STRADA: variants seen among roughly 807,000 people sequenced by gnomAD.
STRADA encodes STE20-related kinase adapter protein alpha.
STRADA carries 26 observed loss-of-function variants against 55.0 expected under a neutral mutation model. That is an observed-to-expected ratio of 0.47 (90% CI 0.35 to 0.66). The LOEUF (loss-of-function observed/expected upper bound fraction) is 0.66, where lower values mean the gene tolerates loss of function less well. STRADA is among the 30% of genes least tolerant of loss of function. STRADA has a pLI of 0.01. For missense variants in STRADA, 443 were observed against 549.7 expected (o/e 0.81, Z 1.94); for synonymous variants, 197 against 210.9 (o/e 0.93, Z 0.57).
Position 63,723,865 on chromosome 17 carries a change from AGGCATTTT to A in STRADA, c.95-547_95-540del. On this transcript the variant is annotated intron_variant, in intron 3 of 12. Transcript: ENST00000336174. ...TTGATTCTAAATGTAAATAAAGCAA[AGGCATTTT>A]GGCGCTCTGCTTGTCCTAGTGAAAA... 3.9e-5 allele frequency: 6 copies of A among 152,502 alleles called. 1 individual carries two copies. The highest frequency in any genetic ancestry group is 3.9e-4 in the Admixed American group (6 of 15,312). 9.4% of individuals were successfully genotyped at this position (152,502 alleles called of 1,614,324 possible). A position where few individuals can be genotyped will look rare whatever the true frequency, so the allele number is the denominator to read the frequency against.
rs531246808 is a variant in STRADA, at chr17:63,703,387, G to A, written c.*212C>T. ...CGGCTTTGGACCCTCCTGATCCCTG[G>A]TTGTTGAGATTCCCTTGTGTCTCAA... On this transcript the variant is annotated 3_prime_UTR_variant, in exon 13 of 13. Coordinates refer to ENST00000336174, the MANE Select transcript of STRADA (RefSeq NM_001003787.4). 28 of 548,344 alleles carry A rather than the reference G, an allele frequency of 5.1e-5. 1 individual carries two copies. The highest frequency in any genetic ancestry group is 4.9e-4 in the African/African-American group (26 of 52,810). The allele number at this position is 548,344 out of a possible 1,614,324, so 34.0% of individuals were successfully genotyped here. A position where few individuals can be genotyped will look rare whatever the true frequency, so the allele number is the denominator to read the frequency against.
intron 1 of STRADA, among the ~76,000 whole-genome samples, chr17:63,740,228 T>C (rs1568234751): frequency 6.7e-6 from 1 of 148,892 alleles, no homozygotes; most frequent in Non-Finnish European, 1.5e-5. Flanking sequence ...ATAGCTTTAT[T>C]GGCCGGGCGC....
At chr17:63,735,477 C>A (rs2038355622) in intron 1 of STRADA, among the ~76,000 whole-genome samples, 1 of 152,136 alleles carries the variant, frequency 6.6e-6, no homozygotes, top group South Asian at 2.1e-4. Flanking sequence ...GATAGTGATG[C>A]TTATAATAAT....
chr17:63,716,838 T>C (rs34111070), intron 4 of STRADA, among the ~76,000 whole-genome samples: 3,009 of 152,350 alleles, frequency 0.02, 41 homozygotes, highest in Non-Finnish European at 0.033. Flanking sequence ...TGTTAAATTT[T>C]GGGAAAGATA....
At chr17:63,719,007 T>C (rs1231370338) in intron 4 of STRADA, 1 of 152,262 alleles carries the variant, frequency 6.6e-6, no homozygotes, top group Non-Finnish European at 1.5e-5. Flanking sequence ...TTCACTGATG[T>C]ATTCCCCCAG....
Position 63,726,780 on chromosome 17 carries a change from T to C in STRADA, c.37-85A>G. On this transcript the variant is annotated intron_variant, in intron 2 of 12. Coordinates refer to ENST00000336174, the MANE Select transcript of STRADA (RefSeq NM_001003787.4). ...TCAGCCTTTAGACAGACAAACAAAA[T>C]CCCAACTATGAAAACAGAATCATGC... 2.9e-6 allele frequency: 4 copies of C among 1,361,304 alleles called. 1 individual carries two copies. In the South Asian group the frequency reaches 4.7e-5, roughly 16 times the overall value. 84.3% of individuals were successfully genotyped at this position (1,361,304 alleles called of 1,614,324 possible).
At chr17:63,731,005 G>A (rs552549998) in intron 1 of STRADA, among the ~76,000 whole-genome samples, 1 of 151,980 alleles carries the variant, frequency 6.6e-6, no homozygotes, top group East Asian at 1.9e-4. Flanking sequence ...GAGTGCAGCG[G>A]TGATCTTGGC....
intron 10 of STRADA, 42 bp from the exon 11 acceptor site, chr17:63,704,624 G>GC (rs1285983975): frequency 8.8e-7 from 1 of 1,140,034 alleles, no homozygotes. Flanking sequence ...AGCGGGTGGG[G>GC]GGGGGGGGTG....
rs183147391 is a variant in STRADA, at chr17:63,732,976, C to T, written c.-44-4563G>A. Among the ~76,000 whole-genome samples, 1,037 of 152,110 alleles carry T rather than the reference C, an allele frequency of 6.8e-3. 13 individuals carry two copies. The highest frequency in any genetic ancestry group is 0.031 in the Middle Eastern group (9 of 294). ...GGTCTCGGCTCACTGCAACCTCCACCTCCCAGGTTCATGCGATTCTCCTGC... is the reference window on the plus strand; with the variant it reads ...GGTCTCGGCTCACTGCAACCTCCACTTCCCAGGTTCATGCGATTCTCCTGC... On this transcript the variant is annotated intron_variant, in intron 1 of 12. Transcript: ENST00000336174.
intron 6 of STRADA, 122 bp from the exon 7 acceptor site, chr17:63,710,958 G>T: frequency 1.2e-6 from 1 of 862,638 alleles, no homozygotes; most frequent in Non-Finnish European, 1.8e-6. Flanking sequence ...CAGAGTCATG[G>T]GAACAGCCTA....
chr17:63,733,106 T>C (rs1598265370), intron 1 of STRADA, among the ~76,000 whole-genome samples: 1 of 152,198 alleles, frequency 6.6e-6, no homozygotes, highest in African/African-American at 2.4e-5. Context: ...GCCAGGCTAA[T>C]CTTAAACTCC....
intron 8 of STRADA, among the ~76,000 whole-genome samples, chr17:63,710,162 C>G (rs1383359177): frequency 6.6e-6 from 1 of 151,572 alleles, no homozygotes; most frequent in Non-Finnish European, 1.5e-5. Context: ...AGCTTGTAGT[C>G]CCAGCTACTG....
Position 63,725,572 on chromosome 17 carries a change from G to A in STRADA, c.94+1066C>T, listed in dbSNP as rs1418075170. 2.6e-5 allele frequency: 4 copies of A among 152,196 alleles called. No homozygotes were observed. The East Asian group carries it at 7.8e-4, about 30-fold the overall frequency. The allele number at this position is 152,196 out of a possible 1,614,324, so 9.4% of individuals were successfully genotyped here. The stretch of plus-strand genomic sequence containing the variant: ...TCACCACGTTGGCCAGCCTGGTCTT[G>A]AACTCCTGACCTCAGGTGATCCGCC... On this transcript the variant is annotated intron_variant, in intron 3 of 12. Coordinates refer to ENST00000336174, the MANE Select transcript of STRADA (RefSeq NM_001003787.4).
At chr17:63,718,082 C>G (rs550090486) in intron 4 of STRADA, among the ~76,000 whole-genome samples, 9 of 152,222 alleles carry the variant, frequency 5.9e-5, no homozygotes, top group Admixed American at 2.0e-4. Flanking sequence ...GCCACCACGC[C>G]TAGCTAATTT....
In STRADA at chr17:63,707,430, G is replaced by A. The variant is rs763409001; in HGVS notation, c.582-12C>T. On this transcript the variant is annotated splice_polypyrimidine_tract_variant and intron_variant, in intron 8 of 12. Transcript: ENST00000336174. ...TGGCTTTGACACTCCTGGGGAAGCG[G>A]GGAGGGTGTCATGTCGAGAGCAGGA... 2.5e-6 allele frequency: 4 copies of A among 1,610,936 alleles called. No individual in the cohort carries two copies. The Admixed American group carries it at 5.0e-5, about 20-fold the overall frequency.
chr17:63,713,915 C>T (rs2036673938), intron 5 of STRADA, 91 bp downstream of exon 5: 4 of 1,015,888 alleles, frequency 3.9e-6, no homozygotes, highest in Non-Finnish European at 6.1e-6. Context: ...TAGTGGATGG[C>T]CTCTGCTGTA....
intron 1 of STRADA, among the ~76,000 whole-genome samples, chr17:63,730,482 G>A (rs2037960960): frequency 6.7e-6 from 1 of 150,034 alleles, no homozygotes; most frequent in Admixed American, 6.7e-5. Flanking sequence ...TGCAACCTCT[G>A]CCTCCAGGGC....
chr17:63,722,360 T>C (rs2037372125), intron 4 of STRADA, among the ~76,000 whole-genome samples: 1 of 152,224 alleles, frequency 6.6e-6, no homozygotes, highest in Admixed American at 6.5e-5. Context: ...TTCCCACAGG[T>C]TTCACACAGG....
At chr17:63,708,826 G>T (rs2036293794) in intron 8 of STRADA, among the ~76,000 whole-genome samples, 1 of 152,202 alleles carries the variant, frequency 6.6e-6, no homozygotes, top group South Asian at 2.1e-4. Flanking sequence ...GCTCTTGTAT[G>T]CTCTAGAACA....
Sources: gnomAD v4.1 joint callset for allele counts (sites outside exome capture counted in the v4.1 genomes callset) on GRCh38, gnomAD v4.1.1 for gene constraint, MANE v1.5 for transcripts, NCBI Gene and HGNC (gene_info 2026-07-23, HGNC 2026-07-21) for gene names.